CDK17: variants seen among roughly 807,000 people sequenced by gnomAD.
CDK17 encodes cyclin dependent kinase 17.
Under a neutral mutation model 77.6 loss-of-function variants are expected in CDK17, and 24 were observed. The observed-to-expected ratio is 0.31, with a 90% CI of 0.22 to 0.44. The LOEUF (loss-of-function observed/expected upper bound fraction) is 0.44. CDK17 is among the 20% of genes least tolerant of loss of function. The pLI is 1.00. For missense variants in CDK17, 429 were observed against 622.5 expected (o/e 0.69, Z 3.31); for synonymous variants, 203 against 210.4 (o/e 0.96, Z 0.30).
At chr12:96,393,300 G>A (rs1030363849) in intron 1 of CDK17, among the ~76,000 whole-genome samples, 4 of 134,360 alleles carry the variant, frequency 3.0e-5, no homozygotes, top group East Asian at 2.4e-4. Context: ...GGGAGGTGGA[G>A]GTTGCAGTGA....
intron 3 of CDK17, among the ~76,000 whole-genome samples, chr12:96,320,378 C>T (rs1378691670): frequency 1.4e-5 from 2 of 147,486 alleles, no homozygotes; most frequent in Non-Finnish European, 3.0e-5. Flanking sequence ...AATGGCCATA[C>T]TGCCCAAGGT....
At chr12:96,399,891 C>A (rs1191249213) in intron 1 of CDK17, 95 bp downstream of exon 1, 1 of 310,474 alleles carries the variant, frequency 3.2e-6, no homozygotes, top group Non-Finnish European at 5.9e-6. Context: ...CCCCCAGTAG[C>A]CCCCGCCCCC....
chr12:96,302,107 A>G (rs1952513614), intron 5 of CDK17, among the ~76,000 whole-genome samples: 1 of 152,154 alleles, frequency 6.6e-6, no homozygotes, highest in Admixed American at 6.5e-5. Context: ...CGACCATCAT[A>G]CACTATTCAT....
At chr12:96,313,528 A>T (rs919204113) in intron 3 of CDK17, 74 bp from the exon 4 acceptor site, 2 of 833,812 alleles carry the variant, frequency 2.4e-6, no homozygotes, top group Non-Finnish European at 3.4e-6. Context: ...TATGGGTAAA[A>T]TATAGAAGGC....
intron 1 of CDK17, among the ~76,000 whole-genome samples, chr12:96,370,202 T>C (rs1953669432): frequency 6.6e-6 from 1 of 152,238 alleles, no homozygotes; most frequent in Admixed American, 6.5e-5. Flanking sequence ...CCAAAACTCC[T>C]ACTAACAGCA....
intron 1 of CDK17, among the ~76,000 whole-genome samples, chr12:96,342,351 T>TA (rs1243989234): frequency 3.9e-5 from 6 of 152,206 alleles, no homozygotes; most frequent in Admixed American, 3.3e-4. Flanking sequence ...GTTTAAAACT[T>TA]AAACTTTTTT....
chr12:96,297,388 G>T, intron 8 of CDK17, 56 bp from the exon 9 acceptor site: 1 of 1,158,214 alleles, frequency 8.6e-7, no homozygotes, highest in Non-Finnish European at 1.3e-6. Flanking sequence ...TGTTGTGACT[G>T]GTTCACTTAA....
chr12:96,351,389 A>G (rs1953311579), intron 1 of CDK17, among the ~76,000 whole-genome samples: 1 of 152,216 alleles, frequency 6.6e-6, no homozygotes, highest in African/African-American at 2.4e-5. Context: ...AGCATTATTC[A>G]CAACAGCCAA....
chr12:96,325,320 C>T (rs1041145136), intron 2 of CDK17, among the ~76,000 whole-genome samples: 1 of 152,134 alleles, frequency 6.6e-6, no homozygotes, highest in African/African-American at 2.4e-5. Flanking sequence ...ATGAAGCCAA[C>T]TATTCTTCTG....
chr12:96,369,463 T>C (rs749113694), intron 1 of CDK17, among the ~76,000 whole-genome samples: 1 of 151,560 alleles, frequency 6.6e-6, no homozygotes, highest in East Asian at 1.9e-4. Context: ...ATCTCATGTA[T>C]ATGTGGTGAG....
chr12:96,323,587 G>T (rs1352614885), intron 3 of CDK17, among the ~76,000 whole-genome samples: 1 of 151,880 alleles, frequency 6.6e-6, no homozygotes, highest in Admixed American at 6.6e-5. Context: ...AAACAATTCA[G>T]GTGATAACCA....
intron 4 of CDK17, 96 bp downstream of exon 4, chr12:96,313,225 T>A: frequency 1.0e-6 from 1 of 968,950 alleles, no homozygotes; most frequent in South Asian, 1.9e-5. Flanking sequence ...TTCATGAAAA[T>A]TTTTAAATGG....
chr12:96,327,145 A>T (rs1354857743), intron 2 of CDK17, among the ~76,000 whole-genome samples: 1 of 152,200 alleles, frequency 6.6e-6, no homozygotes. Context: ...TTATTCCAGT[A>T]TCTGTTTCCT....
intron 1 of CDK17, among the ~76,000 whole-genome samples, chr12:96,359,841 CTT>C (rs1395284297): frequency 3.3e-5 from 5 of 152,022 alleles, no homozygotes; most frequent in Non-Finnish European, 5.9e-5. Context: ...ATCTATATCC[CTT>C]GATAAGTACA....
chr12:96,316,299 G>C lies in CDK17; in HGVS notation c.284-2845C>G, dbSNP rs537576765. Among the ~76,000 whole-genome samples the C allele has an allele frequency of 2.0e-5, 3 of 151,342 alleles. No homozygotes were observed. The South Asian group carries it at 6.3e-4, about 32-fold the overall frequency. The stretch of plus-strand genomic sequence containing the variant: ...ACTATATACCACACCTGGCTCGGAG[G>C]GTCCTACGCCCACGGAGTCTTGCTG... On this transcript the variant is annotated intron_variant, in intron 3 of 16. Coordinates refer to ENST00000261211, the MANE Select transcript of CDK17 (RefSeq NM_002595.5).
At chr12:96,288,042 A>G (rs1159146690) in intron 11 of CDK17, among the ~76,000 whole-genome samples, 4 of 152,092 alleles carry the variant, frequency 2.6e-5, no homozygotes, top group Non-Finnish European at 5.9e-5. Flanking sequence ...ATAGGAAGAA[A>G]TTGTTAAGTG....
intron 1 of CDK17, among the ~76,000 whole-genome samples, chr12:96,343,485 G>C (rs1232273392): frequency 6.6e-6 from 1 of 152,232 alleles, no homozygotes; most frequent in Non-Finnish European, 1.5e-5. Context: ...CACAGAGGCA[G>C]ATGCTTGCCT....
At chr12:96,311,336 A>G (rs1007155841) in intron 4 of CDK17, among the ~76,000 whole-genome samples, 159 bp from the exon 5 acceptor site, 1 of 152,092 alleles carries the variant, frequency 6.6e-6, no homozygotes, top group Non-Finnish European at 1.5e-5. Flanking sequence ...TACTCATGGC[A>G]AAAACATTTA....
intron 1 of CDK17, among the ~76,000 whole-genome samples, chr12:96,387,725 T>C (rs1421318169): frequency 6.6e-6 from 1 of 152,144 alleles, no homozygotes; most frequent in Non-Finnish European, 1.5e-5. Flanking sequence ...GAGAATCACT[T>C]GTGTCCAGGA....
Sources: gnomAD v4.1 joint callset for allele counts (sites outside exome capture counted in the v4.1 genomes callset) on GRCh38, gnomAD v4.1.1 for gene constraint, MANE v1.5 for transcripts, NCBI Gene and HGNC (gene_info 2026-07-23, HGNC 2026-07-21) for gene names.